Variants in SLC7A2 observed in about 807,000 individuals in gnomAD.
SLC7A2 encodes cationic amino acid transporter 2.
SLC7A2 carries 48 observed loss-of-function variants against 58.9 expected under a neutral mutation model. The ratio of observed to expected loss-of-function variants is 0.82; its 90% confidence interval spans 0.65 to 1.04. The LOEUF is 1.04. SLC7A2 is among the 50% of genes least tolerant of loss of function. SLC7A2 has a pLI of 0.00. For missense variants in SLC7A2, 1,029 were observed against 818.8 expected (o/e 1.26, Z -3.13); for synonymous variants, 363 against 314.5 (o/e 1.15, Z -1.63).
chr8:17,550,768 G>A (rs1419990444), intron 6 of SLC7A2, among the ~76,000 whole-genome samples: 1 of 152,206 alleles, frequency 6.6e-6, no homozygotes, highest in Non-Finnish European at 1.5e-5. Context: ...CAGTCCAGAA[G>A]TGCTGTCACA....
intron 2 of SLC7A2, among the ~76,000 whole-genome samples, chr8:17,527,655 C>T (rs913036578): frequency 6.6e-6 from 1 of 152,172 alleles, no homozygotes; most frequent in African/African-American, 2.4e-5. Context: ...TTTGGCGTTA[C>T]TTGGCTCACA....
chr8:17,556,821 C>G (rs971087552), intron 8 of SLC7A2, among the ~76,000 whole-genome samples: 6 of 152,224 alleles, frequency 3.9e-5, no homozygotes, highest in Middle Eastern at 3.4e-3. Flanking sequence ...GTTGGCCAAG[C>G]TGGTCTCAAC....
chr8:17,532,229 C>CAAAAAAAAAAAA (rs534441508), intron 2 of SLC7A2, among the ~76,000 whole-genome samples: 1 of 46,204 alleles, frequency 2.2e-5, no homozygotes, highest in African/African-American at 1.0e-4. Context: ...GACTCTATCT[C>CAAAAAAAAAAAA]AAAAAAAAAA....
intron 2 of SLC7A2, among the ~76,000 whole-genome samples, chr8:17,511,653 T>TA (rs1406052371): frequency 6.6e-6 from 1 of 152,220 alleles, no homozygotes; most frequent in Non-Finnish European, 1.5e-5. Flanking sequence ...ATATTGACTA[T>TA]ACTTTAAAAA....
At chr8:17,510,709 C>G (rs1374002811) in intron 2 of SLC7A2, 1 of 152,118 alleles carries the variant, frequency 6.6e-6, no homozygotes, top group Non-Finnish European at 1.5e-5. Flanking sequence ...GGATCTAGAG[C>G]CAGAAATGAA....
In SLC7A2 at chr8:17,508,275, A is replaced by G. The variant is rs534684701; in HGVS notation, c.-23+5973A>G. 1.4e-4 allele frequency among the ~76,000 whole-genome samples: 21 copies of G among 152,316 alleles called. No individual in the cohort carries two copies. In the East Asian group the frequency reaches 4.0e-3, roughly 29 times the overall value. ...GAACTTTTTGAATAATGAATAACATATTTACATTATTCTGGTCTTTTTTGC... is the reference window on the plus strand; with the variant it reads ...GAACTTTTTGAATAATGAATAACATGTTTACATTATTCTGGTCTTTTTTGC... On this transcript the variant is annotated intron_variant, in intron 2 of 12. Transcript: ENST00000494857.
chr8:17,550,186 A>G, intron 5 of SLC7A2, 115 bp from the exon 6 acceptor site: 1 of 933,072 alleles, frequency 1.1e-6, no homozygotes, highest in Non-Finnish European at 1.6e-6. Flanking sequence ...TATGTATATC[A>G]TCTTCAAAGA....
chr8:17,495,953 A>T (rs563101600), upstream of SLC7A2, among the ~76,000 whole-genome samples: 1 of 152,334 alleles, frequency 6.6e-6, no homozygotes, highest in Admixed American at 6.5e-5. Flanking sequence ...CGTTTATTAG[A>T]TGATCTTGGG....
intron 2 of SLC7A2, among the ~76,000 whole-genome samples, chr8:17,535,107 G>C (rs541516264): frequency 2.0e-5 from 3 of 152,114 alleles, no homozygotes; most frequent in African/African-American, 2.4e-5. Flanking sequence ...CTGGCTTAAA[G>C]TTCTCAGTGA....
chr8:17,551,354 T>G (rs1585253168), intron 6 of SLC7A2, among the ~76,000 whole-genome samples: 1 of 152,192 alleles, frequency 6.6e-6, no homozygotes, highest in East Asian at 1.9e-4. Context: ...AATCCCAATC[T>G]TTGGGACATT....
chr8:17,496,015 T>C (rs559111756), upstream of SLC7A2, among the ~76,000 whole-genome samples: 5 of 152,396 alleles, frequency 3.3e-5, no homozygotes, highest in Admixed American at 1.3e-4. Flanking sequence ...TAAAATTGTA[T>C]ATGTACTGTG....
chr8:17,504,627 C>A (rs1158416135), intron 2 of SLC7A2, among the ~76,000 whole-genome samples: 1 of 152,142 alleles, frequency 6.6e-6, no homozygotes, highest in Non-Finnish European at 1.5e-5. Flanking sequence ...ACATCGTCTT[C>A]TCTTTGGCTT....
intron 2 of SLC7A2, among the ~76,000 whole-genome samples, chr8:17,530,733 T>C (rs1049446223): frequency 1.3e-5 from 2 of 151,982 alleles, no homozygotes; most frequent in Admixed American, 1.3e-4. Flanking sequence ...CCACCATGCC[T>C]GGCTAATTTT....
In SLC7A2 at chr8:17,528,760, G is replaced by A. The variant is rs563366157; in HGVS notation, c.-22-14558G>A. 2.5e-4 allele frequency among the ~76,000 whole-genome samples: 38 copies of A among 152,254 alleles called. No individual in the cohort carries two copies. In the South Asian group the frequency reaches 6.4e-3, roughly 26 times the overall value. On this transcript the variant is annotated intron_variant, in intron 2 of 12. Coordinates refer to ENST00000494857, the MANE Select transcript of SLC7A2 (RefSeq NM_001370338.1). ...ATGAGGGGAGAGAAATCTTGGGAAG[G>A]TAGCTATTTGGAATTACTTGAAGGA...
chr8:17,516,819 A>G (rs998962521), intron 2 of SLC7A2, among the ~76,000 whole-genome samples: 4 of 152,246 alleles, frequency 2.6e-5, no homozygotes, highest in Admixed American at 2.6e-4. Flanking sequence ...GATGCCAAGT[A>G]TCCATTGATT....
chr8:17,536,076 T>C (rs993226941), intron 2 of SLC7A2, among the ~76,000 whole-genome samples: 1 of 150,646 alleles, frequency 6.6e-6, no homozygotes, highest in Non-Finnish European at 1.5e-5. Context: ...ATTATCGCTC[T>C]GCCGCTAGCT....
chr8:17,536,345 A>G (rs978941981), intron 2 of SLC7A2, among the ~76,000 whole-genome samples: 1 of 152,152 alleles, frequency 6.6e-6, no homozygotes, highest in African/African-American at 2.4e-5. Context: ...AAGGAAGATC[A>G]CTTGAGGTCA....
chr8:17,527,925 A>ATTAGGATT (rs1433191540), intron 2 of SLC7A2, among the ~76,000 whole-genome samples: 1 of 152,196 alleles, frequency 6.6e-6, no homozygotes, highest in Non-Finnish European at 1.5e-5. Context: ...TAGTTGACTA[A>ATTAGGATT]TTAGGATTTT....
intron 9 of SLC7A2, among the ~76,000 whole-genome samples, chr8:17,559,319 G>A (rs1802852485): frequency 6.6e-6 from 1 of 152,140 alleles, no homozygotes. Flanking sequence ...GGCTGGAGAG[G>A]CCTCAGGAAA....
Sources: gnomAD v4.1 joint callset for allele counts (sites outside exome capture counted in the v4.1 genomes callset) on GRCh38, gnomAD v4.1.1 for gene constraint, MANE v1.5 for transcripts, NCBI Gene and HGNC (gene_info 2026-07-23, HGNC 2026-07-21) for gene names.